Variants in ELMO1 observed in about 807,000 individuals in gnomAD.
ELMO1 encodes engulfment and cell motility protein 1.
Under a neutral mutation model 98.9 loss-of-function variants are expected in ELMO1, and 26 were observed. That is an observed-to-expected ratio of 0.26 (90% confidence interval 0.19 to 0.36). The LOEUF (loss-of-function observed/expected upper bound fraction) is 0.36. ELMO1 is among the 10% of genes least tolerant of loss of function. The pLI, the probability that ELMO1 is intolerant of heterozygous loss-of-function variation, is 1.00. For missense variants in ELMO1, 627 were observed against 935.2 expected, an observed-to-expected ratio of 0.67 and a Z score of 4.30; for synonymous variants, 346 against 346.0, an observed-to-expected ratio of 1.00 and a Z score of 0.00.
intron 16 of ELMO1, among the ~76,000 whole-genome samples, chr7:36,942,210 G>T (rs941272192): frequency 6.6e-6 from 1 of 152,096 alleles, no homozygotes; most frequent in Non-Finnish European, 1.5e-5. Context: ...ACAACCTGGC[G>T]GATGTGGATC....
At chr7:37,382,909 G>T (rs1802638204) in intron 1 of ELMO1, among the ~76,000 whole-genome samples, 1 of 152,066 alleles carries the variant, frequency 6.6e-6, no homozygotes, top group Non-Finnish European at 1.5e-5. Flanking sequence ...AATTTGCAGG[G>T]CCCCAGGCCC....
intron 4 of ELMO1, among the ~76,000 whole-genome samples, chr7:37,284,396 G>A (rs114403688): frequency 5.9e-5 from 9 of 152,298 alleles, no homozygotes; most frequent in African/African-American, 9.6e-5. Context: ...GAGATGGGAA[G>A]GGAATGCGTT....
intron 15 of ELMO1, among the ~76,000 whole-genome samples, chr7:37,042,100 A>G (rs34043512): frequency 0.08 from 12,045 of 150,180 alleles, 713 homozygotes; most frequent in African/African-American, 0.17. Flanking sequence ...ACCTGGGCAC[A>G]TGGAAAAACC....
rs908176418 is a variant in ELMO1 at position 37,020,554 on chromosome 7, G to A, written c.1301-7119C>T. ...TTGACTAATGATAGAATGATAAGAC[G>A]ACGGGAAAATGCATACCATTTTCGC... On this transcript the variant is annotated intron_variant, in intron 15 of 21. Transcript: ENST00000310758. 2.0e-5 allele frequency among the ~76,000 whole-genome samples: 3 copies of A among 151,982 alleles called. 1 individual carries two copies. Among genetic ancestry groups the A allele is most frequent in the South Asian group, 4.1e-4 (2 of 4,830 alleles).
intron 15 of ELMO1, among the ~76,000 whole-genome samples, chr7:37,064,159 C>G (rs897705126): frequency 2.6e-5 from 4 of 152,168 alleles, no homozygotes; most frequent in Non-Finnish European, 5.9e-5. Flanking sequence ...GGGCCCTTGA[C>G]ACTGCCTGGG....
intron 13 of ELMO1, among the ~76,000 whole-genome samples, chr7:37,199,703 C>T (rs1383736128): frequency 6.6e-6 from 1 of 152,204 alleles, no homozygotes; most frequent in Non-Finnish European, 1.5e-5. Context: ...AACTCTTCAC[C>T]TGAGACAGTG....
rs572042447 is a variant in ELMO1, at chr7:37,143,589, T to C, written c.1087-10355A>G. Among the ~76,000 whole-genome samples, 3 of 151,968 alleles carry C rather than the reference T, an allele frequency of 2.0e-5. No individual in the cohort carries two copies. The South Asian group carries it at 6.2e-4, about 32-fold the overall frequency. On this transcript the variant is annotated intron_variant, in intron 13 of 21. Coordinates refer to ENST00000310758, the MANE Select transcript of ELMO1 (RefSeq NM_014800.11). ...GCCTGTCTAATTTTTGTATTTTTGG[T>C]AGAGATGAGGTTTCACCATGCTGGC...
chr7:37,435,160 A>C (rs1200315599), intron 1 of ELMO1: 1 of 152,412 alleles, frequency 6.6e-6, no homozygotes, highest in Non-Finnish European at 1.5e-5. Flanking sequence ...GATCTTAACC[A>C]TTTACAGATT....
chr7:36,925,285 A>T (rs1176826865), intron 16 of ELMO1, among the ~76,000 whole-genome samples: 1 of 152,178 alleles, frequency 6.6e-6, no homozygotes, highest in Non-Finnish European at 1.5e-5. Context: ...GAACAAACAA[A>T]GCGATCATTT....
At chr7:37,403,772 C>T (rs544679199) in intron 1 of ELMO1, among the ~76,000 whole-genome samples, 6 of 152,090 alleles carry the variant, frequency 3.9e-5, no homozygotes, top group African/African-American at 9.7e-5. Flanking sequence ...TCTCGAACTC[C>T]GGGCCTCAAG....
At chr7:37,051,057 C>T (rs1006003863) in intron 15 of ELMO1, among the ~76,000 whole-genome samples, 6 of 152,110 alleles carry the variant, frequency 3.9e-5, no homozygotes, top group African/African-American at 1.4e-4. Flanking sequence ...AGCTTCCTTC[C>T]TTTTTGGGTA....
intron 14 of ELMO1, among the ~76,000 whole-genome samples, chr7:37,124,211 T>C (rs532679092): frequency 1.3e-5 from 2 of 152,310 alleles, no homozygotes; most frequent in South Asian, 4.1e-4. Flanking sequence ...AGCATTCCCT[T>C]TGAAAAGTTG....
chr7:37,087,446 T>G (rs1331937530), intron 15 of ELMO1, among the ~76,000 whole-genome samples: 1 of 152,206 alleles, frequency 6.6e-6, no homozygotes, highest in Non-Finnish European at 1.5e-5. Context: ...CAGATTTTTT[T>G]TTTTAATGAT....
intron 16 of ELMO1, chr7:36,919,538 G>A (rs1382338474): frequency 2.1e-5 from 8 of 385,012 alleles, no homozygotes; most frequent in Non-Finnish European, 4.6e-5. Flanking sequence ...ATGGGATAAT[G>A]GCATCAACCT....
chr7:37,073,004 G>T (rs1018404416), intron 15 of ELMO1, among the ~76,000 whole-genome samples: 1 of 152,196 alleles, frequency 6.6e-6, no homozygotes, highest in African/African-American at 2.4e-5. Context: ...ACTTTTCAGA[G>T]GGCAGTTAGG....
At chr7:37,142,195 G>A (rs1435058775) in intron 13 of ELMO1, among the ~76,000 whole-genome samples, 1 of 152,176 alleles carries the variant, frequency 6.6e-6, no homozygotes, top group East Asian at 1.9e-4. Flanking sequence ...AATGACCAGA[G>A]ATTAAGTCTA....
chr7:37,212,661 C>A (rs1793043542), intron 12 of ELMO1, among the ~76,000 whole-genome samples: 1 of 152,192 alleles, frequency 6.6e-6, no homozygotes, highest in Non-Finnish European at 1.5e-5. Flanking sequence ...CAGTTCACAT[C>A]TGCAACAGAT....
At chr7:36,948,241 G>A (rs1205735287) in intron 16 of ELMO1, among the ~76,000 whole-genome samples, 2 of 152,100 alleles carry the variant, frequency 1.3e-5, no homozygotes, top group Non-Finnish European at 2.9e-5. Flanking sequence ...GGGCGGGGTG[G>A]GGAGGACCAC....
rs1262548841 is a variant in ELMO1, at chr7:37,342,960, T to G, written c.-73-197A>C. On this transcript the variant is annotated intron_variant, in intron 1 of 21. Coordinates refer to ENST00000310758, the MANE Select transcript of ELMO1 (RefSeq NM_014800.11). This position sits in a 1 kb window ranked among gnomAD's most constrained non-coding sequence, Gnocchi z 4.3. ...GAAAGAAGAAAGATGGGGGTGCCCG[T>G]GCCAACGCCCTTGAGTCAAAGCCGC... 1.6e-5 allele frequency: 6 copies of G among 376,052 alleles called. No individual in the cohort carries two copies. In the South Asian group the frequency reaches 2.7e-4, roughly 17 times the overall value. 23.3% of individuals were successfully genotyped at this position (376,052 alleles called of 1,614,324 possible).
Sources: allele counts gnomAD v4.1 joint callset (sites outside exome capture counted in the v4.1 genomes callset), GRCh38; gene constraint gnomAD v4.1.1; non-coding constraint Gnocchi (gnomAD v3.1); transcripts MANE v1.5; gene names NCBI Gene and HGNC (gene_info 2026-07-23, HGNC 2026-07-21).